The following ADGRL2 variants were observed in gnomAD, a reference collection of about 807,000 sequenced individuals.
The protein encoded by ADGRL2 is calcium-independent alpha-latrotoxin receptor 2.
Under a neutral mutation model 157.4 loss-of-function variants are expected in ADGRL2, and 44 were observed. The observed-to-expected ratio is 0.28, with a 90% CI of 0.22 to 0.36. ADGRL2 has a LOEUF of 0.36. Ranked by LOEUF, ADGRL2 falls within the 10% of genes least tolerant of loss-of-function variation. The probability of loss-of-function intolerance (pLI) is 1.00; values close to 1 mark genes in which losing one functional copy is unlikely to be tolerated. For missense variants in ADGRL2, 1,510 were observed against 1,768.9 expected, an observed-to-expected ratio of 0.85 and a Z score of 2.63; for synonymous variants, 585 against 624.7, an observed-to-expected ratio of 0.94 and a Z score of 0.95.
At chr1:81,535,213 C>T (rs2079705133) in intron 2 of ADGRL2, among the ~76,000 whole-genome samples, 2 of 152,184 alleles carry the variant, frequency 1.3e-5, no homozygotes, top group African/African-American at 2.4e-5. Flanking sequence ...CCAGAGCTGT[C>T]AAGTTTTTTG....
In ADGRL2 at chr1:81,877,538, AT is replaced by A. The variant is rs143740567; in HGVS notation, c.74-29477del. Among the ~76,000 whole-genome samples the A allele has an allele frequency of 3.1e-4, 47 of 152,288 alleles. No homozygotes were observed. The East Asian group carries it at 8.9e-3, about 29-fold the overall frequency. On this transcript the variant is annotated intron_variant, in intron 2 of 23. Coordinates refer to ENST00000686636, the MANE Select transcript of ADGRL2 (RefSeq NM_001366006.2). ...TGTGTGTACTTGAGGTTCTGGAGAT[AT>A]TCCAAGAACAACACACATTCCTAGT...
At chr1:81,539,051 A>G (rs937464870) in intron 2 of ADGRL2, among the ~76,000 whole-genome samples, 16 of 151,708 alleles carry the variant, frequency 1.1e-4, no homozygotes, top group African/African-American at 3.4e-4. Flanking sequence ...TCTTCCCTTA[A>G]TATACTTTTC....
intron 2 of ADGRL2, among the ~76,000 whole-genome samples, chr1:81,901,790 G>T (rs2094492328): frequency 6.6e-6 from 1 of 152,120 alleles, no homozygotes; most frequent in Non-Finnish European, 1.5e-5. Flanking sequence ...AGCATTGTTG[G>T]TGGAAGAGGT....
intron 2 of ADGRL2, among the ~76,000 whole-genome samples, chr1:81,902,065 GA>G (rs2151645897): frequency 6.6e-6 from 1 of 152,196 alleles, no homozygotes; most frequent in Admixed American, 6.5e-5. Context: ...GTTCAGTTTG[GA>G]AAGGTAAGAC....
chr1:81,342,054 A>G (rs931809118), intron 1 of ADGRL2, among the ~76,000 whole-genome samples: 16 of 152,182 alleles, frequency 1.1e-4, no homozygotes, highest in African/African-American at 3.9e-4. Context: ...AGTTAGTGAC[A>G]GTCAGATTTC....
At chr1:81,626,880 C>T (rs2081921932) in intron 3 of ADGRL2, among the ~76,000 whole-genome samples, 1 of 152,090 alleles carries the variant, frequency 6.6e-6, no homozygotes, top group African/African-American at 2.4e-5. Context: ...GTTAGAGTTT[C>T]ATGACGTCTT....
At chr1:81,489,295 A>G (rs11163309) in intron 2 of ADGRL2, among the ~76,000 whole-genome samples, 22,107 of 151,872 alleles carry the variant, frequency 0.15, 2,982 homozygotes, top group African/African-American at 0.36. Flanking sequence ...AACTAAAAAA[A>G]TCAAGAGCTG....
At chr1:81,522,427 A>G (rs2079341572) in intron 2 of ADGRL2, among the ~76,000 whole-genome samples, 1 of 152,218 alleles carries the variant, frequency 6.6e-6, no homozygotes. Context: ...CTACATTACT[A>G]GAGGAACATT....
chr1:81,985,440 A>G (rs1416875057), intron 21 of ADGRL2, 85 bp downstream of exon 21: 3 of 694,432 alleles, frequency 4.3e-6, no homozygotes, highest in Non-Finnish European at 7.3e-6. Flanking sequence ...TGTAAGAAAT[A>G]TAATTTTAAA....
At position 81,432,886 on chromosome 1, in the gene ADGRL2, A is replaced by G. The variant is rs534180798; in HGVS notation, c.-301-12150A>G. ...CCTTTGTACAATCATGGGCCGTTCT[A>G]TGGTTGTGTATACAGAGTTTCAATG... On this transcript the variant is annotated intron_variant, in intron 1 of 24. Coordinates refer to the ADGRL2 transcript ENST00000370721. Among the ~76,000 whole-genome samples, 630 of 152,250 alleles carry G rather than the reference A, an allele frequency of 4.1e-3. 3 individuals carry two copies. Among genetic ancestry groups the G allele is most frequent in the Non-Finnish European group, 5.3e-3 (358 of 68,028 alleles).
At chr1:81,550,852 C>A (rs2080129268) in intron 2 of ADGRL2, among the ~76,000 whole-genome samples, 1 of 151,890 alleles carries the variant, frequency 6.6e-6, no homozygotes, top group Non-Finnish European at 1.5e-5. Context: ...TTCATTACTG[C>A]CTATATTCAG....
intron 2 of ADGRL2, among the ~76,000 whole-genome samples, chr1:81,794,201 TA>T (rs1417076537): frequency 6.6e-6 from 1 of 152,174 alleles, no homozygotes; most frequent in East Asian, 1.9e-4. Context: ...TTTGAACAAT[TA>T]AAAATATATA....
chr1:81,408,060 CTG>C (rs2076885606), intron 1 of ADGRL2, among the ~76,000 whole-genome samples: 1 of 152,104 alleles, frequency 6.6e-6, no homozygotes, highest in Non-Finnish European at 1.5e-5. Context: ...GGAAGAGGCC[CTG>C]TCTTTCTTTA....
At chr1:81,754,800 A>G (rs977504674) in intron 1 of ADGRL2, among the ~76,000 whole-genome samples, 2 of 151,410 alleles carry the variant, frequency 1.3e-5, no homozygotes, top group African/African-American at 4.9e-5. Flanking sequence ...AAACTTAGAC[A>G]TACTACTTTC....
At chr1:81,743,741 T>C (rs2085153335) in intron 1 of ADGRL2, among the ~76,000 whole-genome samples, 1 of 152,092 alleles carries the variant, frequency 6.6e-6, no homozygotes, top group African/African-American at 2.4e-5. Flanking sequence ...CATGCAATTT[T>C]CTATTGTCGT....
At chr1:81,511,672 A>G (rs769342606) in intron 2 of ADGRL2, among the ~76,000 whole-genome samples, 2 of 152,054 alleles carry the variant, frequency 1.3e-5, no homozygotes, top group African/African-American at 2.4e-5. Flanking sequence ...TACTTTCCAC[A>G]TGTTTCTTAT....
chr1:81,796,180 G>A (rs1229686608), upstream of ADGRL2, among the ~76,000 whole-genome samples: 3 of 152,056 alleles, frequency 2.0e-5, no homozygotes, highest in Non-Finnish European at 2.9e-5. Flanking sequence ...TGGTAGAGAC[G>A]GGGTTTCACT....
chr1:81,607,397 C>T (rs2081455978), intron 3 of ADGRL2, among the ~76,000 whole-genome samples: 1 of 152,176 alleles, frequency 6.6e-6, no homozygotes, highest in Non-Finnish European at 1.5e-5. Flanking sequence ...ATTAAATACA[C>T]AGCCAAGTGT....
chr1:81,537,637 A>G (rs1022068295), intron 2 of ADGRL2, among the ~76,000 whole-genome samples: 3 of 150,546 alleles, frequency 2.0e-5, no homozygotes, highest in Non-Finnish European at 4.4e-5. Flanking sequence ...AAGTACTGCT[A>G]TTTTTCCAAT....
Sources: gnomAD v4.1 joint callset for allele counts (sites outside exome capture counted in the v4.1 genomes callset) on GRCh38, gnomAD v4.1.1 for gene constraint, MANE v1.5 for transcripts, NCBI Gene and HGNC (gene_info 2026-07-23, HGNC 2026-07-21) for gene names.